Variants in UTP6 observed in about 807,000 individuals in gnomAD.
UTP6 encodes U3 small nucleolar RNA-associated protein 6 homolog.
Under a neutral mutation model 96.5 loss-of-function variants are expected in UTP6, and 60 were observed. The ratio of observed to expected loss-of-function variants is 0.62; its 90% CI spans 0.51 to 0.77. The LOEUF is 0.77. UTP6 is among the 30% of genes least tolerant of loss of function. The probability of loss-of-function intolerance (pLI) is 0.00; values close to 1 mark genes in which losing one functional copy is unlikely to be tolerated. For missense variants in UTP6, 637 were observed against 706.5 expected (o/e 0.90, Z 1.12); for synonymous variants, 215 against 240.1 (o/e 0.90, Z 0.96).
chr17:31,895,192 T>TA (rs1375498478), intron 2 of UTP6, among the ~76,000 whole-genome samples, 181 bp from the exon 3 acceptor site: 1 of 152,208 alleles, frequency 6.6e-6, no homozygotes, highest in Non-Finnish European at 1.5e-5. Context: ...CTATAAAACT[T>TA]AAACAGAATT....
chr17:31,899,863 C>T (rs1415473401), intron 1 of UTP6, 133 bp from the exon 2 acceptor site: 7 of 679,536 alleles, frequency 1.0e-5, no homozygotes, highest in African/African-American at 3.7e-5. Context: ...AAAGTATTAT[C>T]GGCCGGACAC....
At chr17:31,866,887 CAA>C (rs56235737) in intron 17 of UTP6, among the ~76,000 whole-genome samples, 290 of 43,520 alleles carry the variant, frequency 6.7e-3, no homozygotes, top group African/African-American at 0.029. Context: ...ACTCTTGTCT[CAA>C]AAAAAAAAAA....
intron 13 of UTP6, among the ~76,000 whole-genome samples, chr17:31,877,828 G>A (rs768956229): frequency 1.3e-4 from 20 of 152,016 alleles, no homozygotes; most frequent in Non-Finnish European, 2.5e-4. Context: ...TTAGCTGGGC[G>A]TGGTGGCATG....
At chr17:31,889,114 G>A (rs908502342) in intron 7 of UTP6, among the ~76,000 whole-genome samples, 171 bp downstream of exon 7, 7 of 149,418 alleles carry the variant, frequency 4.7e-5, no homozygotes, top group Non-Finnish European at 7.4e-5. Flanking sequence ...GCAAAACCCC[G>A]CCTCTACTAA....
At chr17:31,875,547 A>C (rs1273917596) in intron 13 of UTP6, 134 bp from the exon 14 acceptor site, 65 of 1,073,730 alleles carry the variant, frequency 6.1e-5, no homozygotes, top group Non-Finnish European at 2.7e-5. Context: ...AAAAGAGGCC[A>C]GGTGTGGTGG....
chr17:31,889,531 C>G, intron 6 of UTP6, 128 bp from the exon 7 acceptor site: 1 of 642,280 alleles, frequency 1.6e-6, no homozygotes, highest in Non-Finnish European at 2.6e-6. Flanking sequence ...CAGTCTCACT[C>G]TGTCGCCCAG....
At chr17:31,889,728 G>A (rs903484287) in intron 6 of UTP6, among the ~76,000 whole-genome samples, 1 of 151,820 alleles carries the variant, frequency 6.6e-6, no homozygotes, top group African/African-American at 2.4e-5. Context: ...TCAATCTCCT[G>A]ACCTCGTGAT....
At chr17:31,868,608 G>A (rs1909978253) in intron 16 of UTP6, among the ~76,000 whole-genome samples, 1 of 151,942 alleles carries the variant, frequency 6.6e-6, no homozygotes, top group Admixed American at 6.6e-5. Context: ...TAGGATTACA[G>A]GCATGCACCA....
chr17:31,900,990 C>T (rs1050164320), intron 1 of UTP6, among the ~76,000 whole-genome samples: 1 of 152,134 alleles, frequency 6.6e-6, no homozygotes, highest in East Asian at 1.9e-4. Flanking sequence ...GTCACAGAAA[C>T]CATTAAAAAC....
At chr17:31,873,155 G>T (rs1048225136) in intron 16 of UTP6, 1 of 406,020 alleles carries the variant, frequency 2.5e-6, no homozygotes, top group Non-Finnish European at 4.4e-6. Context: ...TCGGGAAGCC[G>T]AGGCAGGAGA....
intron 14 of UTP6, among the ~76,000 whole-genome samples, chr17:31,874,782 AT>A: frequency 6.6e-6 from 1 of 151,882 alleles, no homozygotes; most frequent in Non-Finnish European, 1.5e-5. Context: ...AATAGAAAAT[AT>A]TAGTCAGGTG....
chr17:31,865,561 C>T, intron 17 of UTP6, 123 bp from the exon 18 acceptor site: 2 of 880,720 alleles, frequency 2.3e-6, no homozygotes, highest in Non-Finnish European at 3.5e-6. Flanking sequence ...AACATGAACA[C>T]AACTTGGCTC....
intron 10 of UTP6, 132 bp downstream of exon 10, chr17:31,884,292 C>T: frequency 1.4e-6 from 1 of 702,188 alleles, no homozygotes; most frequent in South Asian, 2.3e-5. Context: ...GCCACTGCAC[C>T]CGGCCAATAT....
At chr17:31,880,805 GAATAT>G (rs564199392) in intron 10 of UTP6, 51 bp from the exon 11 acceptor site, 8 of 1,604,800 alleles carry the variant, frequency 5.0e-6, no homozygotes, top group Non-Finnish European at 6.8e-6. Context: ...AACTGACTCA[GAATAT>G]CAGAGAAACA....
chr17:31,893,368 G>A (rs1348511643), intron 4 of UTP6, among the ~76,000 whole-genome samples: 5 of 149,946 alleles, frequency 3.3e-5, no homozygotes, highest in Non-Finnish European at 7.4e-5. Flanking sequence ...GAAGGTTGCA[G>A]TGAGCTGCCG....
chr17:31,873,070 G>A, intron 16 of UTP6: 1 of 272,694 alleles, frequency 3.7e-6, no homozygotes, highest in Non-Finnish European at 7.1e-6. Context: ...GGCCAACATG[G>A]TGAAACCTTG....
chr17:31,899,427 T>C (rs1316168197), intron 2 of UTP6, among the ~76,000 whole-genome samples: 1 of 152,036 alleles, frequency 6.6e-6, no homozygotes, highest in African/African-American at 2.4e-5. Flanking sequence ...ACCCAGTCTC[T>C]ACCAAAAAAT....
intron 13 of UTP6, among the ~76,000 whole-genome samples, chr17:31,877,287 G>A (rs987291465): frequency 6.6e-6 from 1 of 152,034 alleles, no homozygotes; most frequent in Non-Finnish European, 1.5e-5. Flanking sequence ...TTGAAAAAGA[G>A]AAAAAACCTA....
chr17:31,875,641 G>A (rs1039735973), intron 13 of UTP6, among the ~76,000 whole-genome samples: 2 of 151,946 alleles, frequency 1.3e-5, no homozygotes, highest in Admixed American at 1.3e-4. Context: ...CGGCCAACAT[G>A]GTGAAACCCC....
Sources: gnomAD v4.1 joint callset for allele counts (sites outside exome capture counted in the v4.1 genomes callset) on GRCh38, gnomAD v4.1.1 for gene constraint, MANE v1.5 for transcripts, NCBI Gene and HGNC (gene_info 2026-07-23, HGNC 2026-07-21) for gene names.